CSMD1: variants seen among roughly 807,000 people sequenced by gnomAD.
CSMD1 encodes the protein CUB and Sushi multiple domains 1, also known as CUB and sushi domain-containing protein 1.
A neutral mutation model predicts 417.5 loss-of-function variants in CSMD1; 213 were observed. The observed-to-expected ratio is 0.51, with a 90% confidence interval of 0.46 to 0.57. CSMD1 has a LOEUF of 0.57. Ranked by LOEUF, CSMD1 falls within the 20% of genes least tolerant of loss-of-function variation. The pLI is 0.00. For synonymous variants in CSMD1, 2,862 were observed against 1,736.8 expected (o/e 1.65, Z -16.11); for missense variants, 6,923 against 4,529.7 (o/e 1.53, Z -15.17).
chr8:2,962,055 T>G (rs145906129), intron 61 of CSMD1, among the ~76,000 whole-genome samples: 14 of 152,192 alleles, frequency 9.2e-5, no homozygotes, highest in Non-Finnish European at 1.9e-4. Context: ...TTAGTAAATC[T>G]CAATGAACAA....
At chr8:3,313,379 G>C (rs960053014) in intron 23 of CSMD1, among the ~76,000 whole-genome samples, 1 of 152,090 alleles carries the variant, frequency 6.6e-6, no homozygotes. Flanking sequence ...ATCTGACAAA[G>C]GGCTAATATG....
chr8:3,487,749 A>G (rs533975569), intron 11 of CSMD1, among the ~76,000 whole-genome samples: 2 of 152,310 alleles, frequency 1.3e-5, no homozygotes, highest in African/African-American at 4.8e-5. Flanking sequence ...AATGTTTTTA[A>G]GAGTTCCTGG....
chr8:3,420,630 G>C (rs77877110), intron 12 of CSMD1, among the ~76,000 whole-genome samples: 3 of 152,160 alleles, frequency 2.0e-5, no homozygotes, highest in Non-Finnish European at 2.9e-5. Context: ...TTTGAAAAAA[G>C]AAATCAGTGT....
intron 26 of CSMD1, among the ~76,000 whole-genome samples, chr8:3,272,701 T>C (rs1801957914): frequency 7.0e-6 from 1 of 142,750 alleles, no homozygotes; most frequent in South Asian, 2.3e-4. Context: ...CAATTGTGAA[T>C]GGGAGTTCAC....
intron 4 of CSMD1, among the ~76,000 whole-genome samples, chr8:4,005,245 T>C (rs1373847015): frequency 6.6e-6 from 1 of 152,012 alleles, no homozygotes; most frequent in African/African-American, 2.4e-5. Flanking sequence ...AGAACTTACT[T>C]ATGTAACCAA....
intron 4 of CSMD1, among the ~76,000 whole-genome samples, chr8:4,026,924 C>T: frequency 6.6e-6 from 1 of 151,968 alleles, no homozygotes; most frequent in Middle Eastern, 3.4e-3. Flanking sequence ...ACCAACCAAA[C>T]AACAAACAAA....
rs570369880 is a variant in CSMD1 at position 3,584,965 on chromosome 8, A to C, written c.1222+1171T>G. Among the ~76,000 whole-genome samples the C allele has an allele frequency of 2.0e-5, 3 of 152,322 alleles. No individual in the cohort carries two copies. The East Asian group carries it at 5.8e-4, about 29-fold the overall frequency. ...CAATCAAAGTTGTCTAGTGACAAAAAGAAGGGGACAGCCATGTGCATTTCC... is the reference window on the plus strand; with the variant it reads ...CAATCAAAGTTGTCTAGTGACAAAACGAAGGGGACAGCCATGTGCATTTCC... On this transcript the variant is annotated intron_variant, in intron 9 of 69. Coordinates refer to ENST00000635120, the MANE Select transcript of CSMD1 (RefSeq NM_033225.6).
intron 39 of CSMD1, among the ~76,000 whole-genome samples, chr8:3,152,705 G>T (rs150578563): frequency 6.6e-6 from 1 of 152,282 alleles, no homozygotes; most frequent in East Asian, 1.9e-4. Flanking sequence ...CATAATTCTG[G>T]AAAAGTCTTG....
intron 1 of CSMD1, among the ~76,000 whole-genome samples, chr8:4,659,754 C>G (rs569528784): frequency 6.6e-6 from 1 of 152,114 alleles, no homozygotes; most frequent in Non-Finnish European, 1.5e-5. Flanking sequence ...GTACTGACGC[C>G]TCGGATTTGT....
chr8:4,001,720 C>T (rs1428710791), intron 4 of CSMD1, among the ~76,000 whole-genome samples: 1 of 152,176 alleles, frequency 6.6e-6, no homozygotes, highest in Non-Finnish European at 1.5e-5. Flanking sequence ...CCATAGTTCA[C>T]TGGGCCAGCA....
intron 3 of CSMD1, among the ~76,000 whole-genome samples, chr8:4,172,263 G>C (rs751914798): frequency 1.3e-5 from 2 of 152,030 alleles, no homozygotes; most frequent in Non-Finnish European, 2.9e-5. Context: ...TGAATGTCTG[G>C]AATCCTCTTT....
chr8:3,202,474 T>TAC (rs1232263033), intron 31 of CSMD1, among the ~76,000 whole-genome samples: 1 of 152,204 alleles, frequency 6.6e-6, no homozygotes, highest in Non-Finnish European at 1.5e-5. Context: ...GAAACATAAC[T>TAC]ACATGCTTTG....
At chr8:3,511,430 C>G (rs958196562) in intron 10 of CSMD1, among the ~76,000 whole-genome samples, 2 of 151,498 alleles carry the variant, frequency 1.3e-5, no homozygotes, top group African/African-American at 2.4e-5. Flanking sequence ...TGATCTGTAC[C>G]TATCCTCCAA....
At chr8:4,316,115 C>G (rs1798912761) in intron 3 of CSMD1, among the ~76,000 whole-genome samples, 1 of 152,028 alleles carries the variant, frequency 6.6e-6, no homozygotes, top group African/African-American at 2.4e-5. Context: ...TTATTGTTAA[C>G]CCTCTTAACC....
intron 5 of CSMD1, among the ~76,000 whole-genome samples, chr8:3,768,889 T>G (rs1798428244): frequency 6.6e-6 from 1 of 152,218 alleles, no homozygotes; most frequent in Admixed American, 6.5e-5. Context: ...AGAGCACCAC[T>G]TCTTTGAAGG....
At chr8:4,513,861 C>T (rs755462354) in intron 2 of CSMD1, among the ~76,000 whole-genome samples, 25 of 152,144 alleles carry the variant, frequency 1.6e-4, no homozygotes, top group Admixed American at 2.6e-4. Flanking sequence ...TTATTTTCCT[C>T]TCTAGGTCTG....
intron 3 of CSMD1, among the ~76,000 whole-genome samples, chr8:4,223,745 C>T (rs1801183525): frequency 6.6e-6 from 1 of 152,170 alleles, no homozygotes; most frequent in Non-Finnish European, 1.5e-5. Flanking sequence ...GTCAGATTCT[C>T]AGAATATTTC....
intron 1 of CSMD1, among the ~76,000 whole-genome samples, chr8:4,907,344 G>A (rs1410397181): frequency 6.6e-6 from 1 of 152,076 alleles, no homozygotes; most frequent in Non-Finnish European, 1.5e-5. Flanking sequence ...CAGACAAAAC[G>A]GCAAAAAGCT....
At chr8:4,089,905 T>C (rs770451912) in intron 3 of CSMD1, among the ~76,000 whole-genome samples, 2 of 152,098 alleles carry the variant, frequency 1.3e-5, no homozygotes, top group South Asian at 2.1e-4. Flanking sequence ...AGGGACCTGA[T>C]TGGAATGAAC....
Sources: gnomAD v4.1 joint callset for allele counts (sites outside exome capture counted in the v4.1 genomes callset) on GRCh38, gnomAD v4.1.1 for gene constraint, MANE v1.5 for transcripts, NCBI Gene and HGNC (gene_info 2026-07-23, HGNC 2026-07-21) for gene names.